The following ALG12 variants were observed in gnomAD, a reference collection of about 807,000 sequenced individuals.
The protein encoded by ALG12 is ALG12 alpha-1,6-mannosyltransferase.
In ALG12, 36 loss-of-function variants were observed where a neutral mutation model predicts 46.0. The ratio of observed to expected loss-of-function variants is 0.78; its 90% CI spans 0.60 to 1.03. The LOEUF is 1.03. Ranked by LOEUF, ALG12 falls within the 50% of genes least tolerant of loss-of-function variation. ALG12 has a pLI of 0.00. For missense variants in ALG12, 599 were observed against 633.5 expected (o/e 0.95, Z 0.58); for synonymous variants, 326 against 291.6 (o/e 1.12, Z -1.20).
chr22:49,863,255 G>T, the ALG12 span, among the ~76,000 whole-genome samples: 5 of 151,966 alleles, frequency 3.3e-5, no homozygotes, highest in Admixed American at 2.6e-4. Context: ...GTGCTCCCGG[G>T]CTCAAGTGAT....
intron 3 of ALG12, among the ~76,000 whole-genome samples, chr22:49,910,909 C>T (rs904169174): frequency 6.6e-6 from 1 of 152,206 alleles, no homozygotes; most frequent in African/African-American, 2.4e-5. Context: ...TACACTAAAC[C>T]AGAGACCCCA....
At chr22:49,914,366 G>A (rs779194552) in intron 1 of ALG12, among the ~76,000 whole-genome samples, 1 of 152,226 alleles carries the variant, frequency 6.6e-6, no homozygotes, top group Non-Finnish European at 1.5e-5. Context: ...CAAAGCCCCC[G>A]CTCCCAGGAA....
the ALG12 span, among the ~76,000 whole-genome samples, chr22:49,867,363 GGCGGCGGTGGGA>G: frequency 6.6e-6 from 1 of 152,346 alleles, no homozygotes; most frequent in East Asian, 1.9e-4. Flanking sequence ...GCGTGTGCCA[GGCGGCGGTGGGA>G]GCGGCGGTTG....
chr22:49,865,507 T>C, the ALG12 span, among the ~76,000 whole-genome samples: 1 of 150,394 alleles, frequency 6.6e-6, no homozygotes, highest in East Asian at 1.9e-4. Context: ...AAAAAAAAAA[T>C]AATAACCCGT....
chr22:49,866,950 G>A, the ALG12 span, among the ~76,000 whole-genome samples: 1 of 152,154 alleles, frequency 6.6e-6, no homozygotes, highest in African/African-American at 2.4e-5. Context: ...TCCTTGGCTT[G>A]CATTGGTTTG....
chr22:49,878,546 A>G, the ALG12 span, among the ~76,000 whole-genome samples: 1 of 152,190 alleles, frequency 6.6e-6, no homozygotes, highest in African/African-American at 2.4e-5. Flanking sequence ...ACAGTTAGAC[A>G]TCCATGTGCA....
At chr22:49,874,194 A>C in the ALG12 span, among the ~76,000 whole-genome samples, 1 of 151,946 alleles carries the variant, frequency 6.6e-6, no homozygotes, top group African/African-American at 2.4e-5. Context: ...GGAAGCACTC[A>C]CTCTTTCACT....
At chr22:49,914,255 T>C (rs1252186904) in intron 1 of ALG12, among the ~76,000 whole-genome samples, 2 of 152,150 alleles carry the variant, frequency 1.3e-5, no homozygotes, top group Admixed American at 6.5e-5. Context: ...GCCAGTTAGC[T>C]GGGTGGGAGG....
In ALG12 at chr22:49,904,456, ACAAG is replaced by A; in HGVS notation, c.1039_1042del (p.Leu347Ter). 6.2e-7 allele frequency: 1 copy of A among 1,614,212 alleles called. No homozygotes were observed. Among genetic ancestry groups the A allele is most frequent in the Non-Finnish European group, 8.5e-7 (1 of 1,180,040 alleles). On this transcript the variant is annotated frameshift_variant, in exon 8 of 10. Transcript: ENST00000330817. LOFTEE classifies it high-confidence loss of function. ...GGCATTCACCACGAGGTGTCCGATCACAAGCAGAGACCCCGCTTTGTACAGCCAA... is the reference window on the plus strand; with the variant it reads ...GGCATTCACCACGAGGTGTCCGATCACAGAGACCCCGCTTTGTACAGCCAA...
chr22:49,899,149 T>C (rs951796165), downstream of ALG12, among the ~76,000 whole-genome samples: 2 of 151,788 alleles, frequency 1.3e-5, no homozygotes, highest in African/African-American at 2.4e-5. Context: ...AAAATTAGCA[T>C]ATGAAAAGAC....
rs1328438109 is a variant in ALG12 at position 49,902,749 on chromosome 22, ACT to A, written c.*1087_*1088del. 4.6e-5 allele frequency: 3 copies of A among 65,252 alleles called. No individual in the cohort carries two copies. Among genetic ancestry groups the A allele is most frequent in the African/African-American group, 1.0e-4 (1 of 10,006 alleles). 4.0% of individuals were successfully genotyped at this position (65,252 alleles called of 1,614,324 possible). On this transcript the variant is annotated 3_prime_UTR_variant, in exon 10 of 10. Transcript: ENST00000330817. ...GATGCATGGTAATGTGCACGTGTGC[ACT>A]GTGTGTGGTGTGTATGCATGGTGTG... is the stretch of plus-strand genomic sequence containing the variant.
chr22:49,891,915 C>T, the ALG12 span, among the ~76,000 whole-genome samples: 1 of 152,172 alleles, frequency 6.6e-6, no homozygotes, highest in South Asian at 2.1e-4. Context: ...TATGAGGCAG[C>T]AACTGCTATC....
At chr22:49,894,170 AAAT>A in the ALG12 span, among the ~76,000 whole-genome samples, 3 of 152,224 alleles carry the variant, frequency 2.0e-5, no homozygotes, top group African/African-American at 4.8e-5. Flanking sequence ...ATCTCAAAAA[AAAT>A]AATAAAGTAG....
chr22:49,865,291 T>C, the ALG12 span, among the ~76,000 whole-genome samples: 1 of 152,104 alleles, frequency 6.6e-6, no homozygotes, highest in African/African-American at 2.4e-5. Context: ...ATGTAGCCAC[T>C]GTGGGGTGCG....
In ALG12 at chr22:49,903,753, A is replaced by G. The variant is rs775881566; in HGVS notation, c.*85T>C. ...CTTTGACTTGCTTCTCTGAATTGTCATAATTGTGCTGGAATTGTGCCAGAA... is the reference window on the plus strand; with the variant it reads ...CTTTGACTTGCTTCTCTGAATTGTCGTAATTGTGCTGGAATTGTGCCAGAA... On this transcript the variant is annotated 3_prime_UTR_variant, in exon 10 of 10. Transcript: ENST00000330817. 48 of 1,478,130 alleles carry G rather than the reference A, an allele frequency of 3.2e-5. No individual in the cohort carries two copies. The highest frequency in any genetic ancestry group is 4.3e-5 in the Non-Finnish European group (46 of 1,061,452). 91.6% of individuals were successfully genotyped at this position (1,478,130 alleles called of 1,614,324 possible).
At chr22:49,861,841 G>A in the ALG12 span, among the ~76,000 whole-genome samples, 6 of 152,174 alleles carry the variant, frequency 3.9e-5, no homozygotes, top group Non-Finnish European at 8.8e-5. Flanking sequence ...ACGTTGCCGT[G>A]TGTTGCATTT....
At chr22:49,890,305 T>C in the ALG12 span, among the ~76,000 whole-genome samples, 1 of 152,168 alleles carries the variant, frequency 6.6e-6, no homozygotes, top group Non-Finnish European at 1.5e-5. Flanking sequence ...AGATCCTCTC[T>C]CTTAAAACCA....
At chr22:49,889,839 C>T in the ALG12 span, 2 of 167,046 alleles carry the variant, frequency 1.2e-5, no homozygotes, top group African/African-American at 2.4e-5. Context: ...TCCCACCTTG[C>T]CTCTCCGTTC....
chr22:49,878,008 A>G, the ALG12 span, among the ~76,000 whole-genome samples: 1 of 152,174 alleles, frequency 6.6e-6, no homozygotes, highest in Non-Finnish European at 1.5e-5. Flanking sequence ...TTTTATATGT[A>G]AGTCTTCATA....
Sources: gnomAD v4.1 joint callset for allele counts (sites outside exome capture counted in the v4.1 genomes callset) on GRCh38, gnomAD v4.1.1 for gene constraint, MANE v1.5 for transcripts, NCBI Gene and HGNC (gene_info 2026-07-23, HGNC 2026-07-21) for gene names.